Variants in CCDC149 observed in about 807,000 individuals in gnomAD.
CCDC149 encodes coiled-coil domain containing 149.
In CCDC149, 45 loss-of-function variants were observed where a neutral mutation model predicts 59.9. That is an observed-to-expected ratio of 0.75 (90% CI 0.59 to 0.96). The LOEUF is 0.96. CCDC149 is among the 40% of genes least tolerant of loss of function. The probability of loss-of-function intolerance (pLI) is 0.00; values close to 1 mark genes in which losing one functional copy is unlikely to be tolerated. For missense variants in CCDC149, 584 were observed against 664.7 expected (o/e 0.88, Z 1.33); for synonymous variants, 245 against 260.6 (o/e 0.94, Z 0.58).
chr4:24,944,754 GTAAAA>G (rs1300326365), intron 1 of CCDC149, among the ~76,000 whole-genome samples: 21 of 152,228 alleles, frequency 1.4e-4, no homozygotes, highest in Admixed American at 1.3e-4. Flanking sequence ...AGAACTTAAA[GTAAAA>G]TAAAATAAAA....
intron 1 of CCDC149, among the ~76,000 whole-genome samples, chr4:24,920,105 C>T (rs1346412049): frequency 6.6e-6 from 1 of 152,222 alleles, no homozygotes; most frequent in Non-Finnish European, 1.5e-5. Flanking sequence ...TCATGAAGAG[C>T]AGAATTCTGG....
chr4:24,953,768 A>G (rs760172761), intron 1 of CCDC149, among the ~76,000 whole-genome samples: 40 of 152,330 alleles, frequency 2.6e-4, no homozygotes, highest in Non-Finnish European at 5.0e-4. Context: ...AAGATTCTCA[A>G]AGAACTAAAG....
Position 24,815,345 on chromosome 4 carries a change from T to G in CCDC149, c.1192+4514A>C, listed in dbSNP as rs569928492. ...TAGCTCAGGGAAGCAATCACATAAT[T>G]TTCATACTCACAGATGAAAATTTTT... is the stretch of plus-strand genomic sequence containing the variant. On this transcript the variant is annotated intron_variant, in intron 12 of 12. Transcript: ENST00000635206. Among the ~76,000 whole-genome samples the G allele has an allele frequency of 7.9e-5, 12 of 152,288 alleles. No homozygotes were observed. In the South Asian group the frequency reaches 2.5e-3, roughly 32 times the overall value.
In CCDC149 at chr4:24,912,888, C is replaced by CG. The variant is rs1560253911; in HGVS notation, c.-10dup. 7.4e-7 allele frequency: 1 copy of CG among 1,346,000 alleles called. No individual in the cohort carries two copies. The highest frequency in any genetic ancestry group is 1.5e-5 in the South Asian group (1 of 66,612). The allele number at this position is 1,346,000 out of a possible 1,614,324, so 83.4% of individuals were successfully genotyped here. A position where few individuals can be genotyped will look rare whatever the true frequency, so the allele number is the denominator to read the frequency against. ...ATGGCCTCCTCCTCCATGCGCTGGCCGGCCTCCTGGACCCCCGCCGCCTCC... is the reference window on the plus strand; with the variant it reads ...ATGGCCTCCTCCTCCATGCGCTGGCCGGGCCTCCTGGACCCCCGCCGCCTCC... On this transcript the variant is annotated 5_prime_UTR_variant, in exon 1 of 13. Coordinates refer to ENST00000635206, the MANE Select transcript of CCDC149 (RefSeq NM_001330643.2).
In CCDC149 at chr4:24,846,271, T is replaced by C. The variant is rs140409028; in HGVS notation, c.372+6801A>G. ...AGATCCCAGGTAGAGCAAGACATGA[T>C]AGGGCAGGGAGGTGGGGTGCGGTGA... On this transcript the variant is annotated intron_variant, in intron 4 of 12. Transcript: ENST00000635206. 7.9e-5 allele frequency among the ~76,000 whole-genome samples: 12 copies of C among 152,332 alleles called. No individual in the cohort carries two copies. The East Asian group carries it at 2.3e-3, about 29-fold the overall frequency.
intron 1 of CCDC149, among the ~76,000 whole-genome samples, chr4:24,966,387 C>T (rs1723798451): frequency 6.6e-6 from 1 of 152,078 alleles, no homozygotes; most frequent in Admixed American, 6.6e-5. Context: ...ATGTGGGGTT[C>T]TGTGTCCCCA....
At chr4:24,904,352 C>A (rs1007555319) in intron 1 of CCDC149, among the ~76,000 whole-genome samples, 3 of 152,232 alleles carry the variant, frequency 2.0e-5, no homozygotes, top group Non-Finnish European at 4.4e-5. Context: ...TAACCCACTT[C>A]CCCTAAATGA....
At chr4:24,909,708 G>A (rs1275309799) in intron 1 of CCDC149, among the ~76,000 whole-genome samples, 1 of 152,102 alleles carries the variant, frequency 6.6e-6, no homozygotes, top group Non-Finnish European at 1.5e-5. Flanking sequence ...TAATGTTCTC[G>A]TGATAGTGAA....
intron 1 of CCDC149, among the ~76,000 whole-genome samples, chr4:24,925,306 T>G (rs1722408219): frequency 6.6e-6 from 1 of 152,208 alleles, no homozygotes; most frequent in African/African-American, 2.4e-5. Context: ...TCATGGCTCT[T>G]GGTTCAGCCC....
rs907810894 is a variant in CCDC149 at position 24,912,837 on chromosome 4, A to G, written c.43T>C (p.Trp15Arg). The G allele has an allele frequency of 1.5e-6, 2 of 1,371,702 alleles. No individual in the cohort carries two copies. Among genetic ancestry groups the G allele is most frequent in the African/African-American group, 3.1e-5 (2 of 65,248 alleles). The allele number at this position is 1,371,702 out of a possible 1,614,324, so 85.0% of individuals were successfully genotyped here. A position where few individuals can be genotyped will look rare whatever the true frequency, so the allele number is the denominator to read the frequency against. ...CTCACCTCGCTCACCAGCCCCTGCC[A>G]GTCGCTCTCAGTCCGGTCGCCGTTC... Residue 15 changes from tryptophan to arginine, a missense_variant, in exon 1 of 13, where the codon TGG becomes CGG. Transcript: ENST00000635206.
At chr4:24,826,632 C>T (rs1382989339) in intron 9 of CCDC149, among the ~76,000 whole-genome samples, 1 of 152,116 alleles carries the variant, frequency 6.6e-6, no homozygotes, top group Non-Finnish European at 1.5e-5. Flanking sequence ...CAATGTGCCA[C>T]CTTGGAAGCC....
chr4:24,811,604 G>A (rs1213883421), intron 12 of CCDC149, among the ~76,000 whole-genome samples: 1 of 152,182 alleles, frequency 6.6e-6, no homozygotes, highest in African/African-American at 2.4e-5. Flanking sequence ...CAGGCACAGT[G>A]GCTCATGCCT....
At position 24,865,023 on chromosome 4, in the gene CCDC149, T is replaced by A. The variant is rs1489845634; in HGVS notation, c.264+8658A>T. ...ATATGTAACCTCGCCATGGAAAAGT[T>A]ATTCTACACCATAATATAAAAATGA... On this transcript the variant is annotated intron_variant, in intron 3 of 12. Coordinates refer to ENST00000635206, the MANE Select transcript of CCDC149 (RefSeq NM_001330643.2). Among the ~76,000 whole-genome samples the A allele has an allele frequency of 2.6e-5, 4 of 152,168 alleles. No homozygotes were observed. In the East Asian group the frequency reaches 7.7e-4, roughly 29 times the overall value.
upstream of CCDC149, among the ~76,000 whole-genome samples, chr4:24,913,132 C>T (rs13139700): frequency 6.6e-6 from 1 of 150,968 alleles, no homozygotes; most frequent in Non-Finnish European, 1.5e-5. Context: ...GCCCCGCGCC[C>T]TCAGCCCCGC....
intron 1 of CCDC149, among the ~76,000 whole-genome samples, chr4:24,956,680 A>C (rs1332858838): frequency 3.3e-5 from 5 of 152,224 alleles, no homozygotes; most frequent in Admixed American, 3.3e-4. Context: ...ACATTGATTA[A>C]ATTTATAGGT....
At chr4:24,824,522 A>C (rs2109113819) in intron 9 of CCDC149, among the ~76,000 whole-genome samples, 1 of 152,156 alleles carries the variant, frequency 6.6e-6, no homozygotes, top group South Asian at 2.1e-4. Flanking sequence ...CTTGGCAAAA[A>C]CCCTGTGGTG....
chr4:24,919,961 A>G (rs967730167), intron 1 of CCDC149, among the ~76,000 whole-genome samples: 3 of 152,246 alleles, frequency 2.0e-5, no homozygotes, highest in Non-Finnish European at 4.4e-5. Context: ...GAAGATATAG[A>G]GGCCCAGAGA....
intron 7 of CCDC149, among the ~76,000 whole-genome samples, chr4:24,835,483 T>C (rs1039568667): frequency 1.3e-5 from 2 of 152,212 alleles, no homozygotes; most frequent in Admixed American, 6.5e-5. Context: ...ATTAAGGAAG[T>C]ACATATGTGC....
chr4:24,963,326 A>T (rs1723699849), intron 1 of CCDC149, among the ~76,000 whole-genome samples: 1 of 152,120 alleles, frequency 6.6e-6, no homozygotes. Flanking sequence ...GTCGTTTTTC[A>T]ATCACCAAAG....
Sources: gnomAD v4.1 joint callset for allele counts (sites outside exome capture counted in the v4.1 genomes callset) on GRCh38, gnomAD v4.1.1 for gene constraint, MANE v1.5 for transcripts, NCBI Gene and HGNC (gene_info 2026-07-23, HGNC 2026-07-21) for gene names.